The following PTPN2 variants were observed in gnomAD, a reference collection of about 807,000 sequenced individuals.
The protein encoded by PTPN2 is tyrosine-protein phosphatase non-receptor type 2.
PTPN2 carries 19 observed loss-of-function variants against 57.3 expected under a neutral mutation model. The ratio of observed to expected loss-of-function variants is 0.33; its 90% confidence interval spans 0.23 to 0.49. PTPN2 has a LOEUF of 0.49. Ranked by LOEUF, PTPN2 falls within the 20% of genes least tolerant of loss-of-function variation. The pLI is 0.99. For missense variants in PTPN2, 358 were observed against 501.1 expected (o/e 0.71, Z 2.73); for synonymous variants, 153 against 164.9 (o/e 0.93, Z 0.55).
At chr18:12,817,432 G>T in intron 5 of PTPN2, 67 bp from the exon 6 acceptor site, 1 of 1,196,018 alleles carries the variant, frequency 8.4e-7, no homozygotes, top group Non-Finnish European at 1.2e-6. Flanking sequence ...ACTTCAGAAA[G>T]ATCATGTGTT....
intron 1 of PTPN2, among the ~76,000 whole-genome samples, chr18:12,860,105 A>G (rs2043741361): frequency 6.6e-6 from 1 of 151,292 alleles, no homozygotes; most frequent in Non-Finnish European, 1.5e-5. Flanking sequence ...CTGGCCAACA[A>G]AGCGAAACCC....
At chr18:12,798,481 C>T (rs1426627922) in intron 8 of PTPN2, among the ~76,000 whole-genome samples, 1 of 152,110 alleles carries the variant, frequency 6.6e-6, no homozygotes, top group Non-Finnish European at 1.5e-5. Flanking sequence ...TCATTTAGCT[C>T]TCAATTGTTA....
At chr18:12,840,563 G>A in intron 2 of PTPN2, 1 of 862,662 alleles carries the variant, frequency 1.2e-6, no homozygotes, top group Non-Finnish European at 1.8e-6. Flanking sequence ...CTCGTCACTG[G>A]GTCACCTCTC....
chr18:12,817,076 C>G lies in PTPN2; in HGVS notation c.705+80G>C, dbSNP rs2079256939. The G allele has an allele frequency of 3.1e-6, 4 of 1,309,970 alleles. No homozygotes were observed. The African/African-American group carries it at 4.5e-5, about 15-fold the overall frequency. 81.1% of individuals were successfully genotyped at this position (1,309,970 alleles called of 1,614,324 possible). Reference sequence around the variant, plus strand: ...AAACCTCAGTTCTGGGATACAGCATCAGAGTTTATTCACTGCCAGTGGAAG... The same window carrying G: ...AAACCTCAGTTCTGGGATACAGCATGAGAGTTTATTCACTGCCAGTGGAAG... On this transcript the variant is annotated intron_variant, in intron 6 of 8. Transcript: ENST00000309660.
At chr18:12,831,574 T>C (rs2042672194) in intron 3 of PTPN2, among the ~76,000 whole-genome samples, 1 of 152,208 alleles carries the variant, frequency 6.6e-6, no homozygotes, top group Admixed American at 6.5e-5. Context: ...CTTCATCTTC[T>C]ACAGCCAAGA....
In PTPN2 at chr18:12,794,067, TAGAC is replaced by T; in HGVS notation, c.*207_*210del. On this transcript the variant is annotated 3_prime_UTR_variant, in exon 9 of 9. Coordinates refer to ENST00000309660, the MANE Select transcript of PTPN2 (RefSeq NM_002828.4). ...TTAACAAACATGAATGTCTTTATTTTAGACAGCCATTTACAGTTTGGGGTTCAGA... is the reference window on the plus strand; with the variant it reads ...TTAACAAACATGAATGTCTTTATTTTAGCCATTTACAGTTTGGGGTTCAGA... 1.4e-6 allele frequency: 2 copies of T among 1,415,860 alleles called. No individual in the cohort carries two copies. The highest frequency in any genetic ancestry group is 1.8e-6 in the Non-Finnish European group (2 of 1,091,430). The allele number at this position is 1,415,860 out of a possible 1,614,324, so 87.7% of individuals were successfully genotyped here.
chr18:12,840,871 C>T, intron 2 of PTPN2: 2 of 1,581,140 alleles, frequency 1.3e-6, no homozygotes, highest in Non-Finnish European at 1.7e-6. Context: ...AACCCCACTT[C>T]TGTGCCGATG....
chr18:12,843,546 C>T (rs1339445407), intron 2 of PTPN2, among the ~76,000 whole-genome samples: 4 of 152,070 alleles, frequency 2.6e-5, no homozygotes, highest in Non-Finnish European at 4.4e-5. Context: ...TGCTCTAGGG[C>T]AGACCAGCCC....
At position 12,814,776 on chromosome 18, in the gene PTPN2, G is replaced by A. The variant is rs189249612; in HGVS notation, c.706-421C>T. On this transcript the variant is annotated intron_variant, in intron 6 of 8. Transcript: ENST00000309660. ...GTCTGCACTACAGACACGATGTCTG[G>A]ATATACAGCACCCATCTAACAATGG... Among the ~76,000 whole-genome samples the A allele has an allele frequency of 5.3e-3, 799 of 152,006 alleles. 8 individuals carry two copies. Among genetic ancestry groups the A allele is most frequent in the Non-Finnish European group, 5.0e-3 (342 of 67,974 alleles).
chr18:12,867,683 T>G (rs538128678), intron 1 of PTPN2, among the ~76,000 whole-genome samples: 7 of 152,318 alleles, frequency 4.6e-5, no homozygotes, highest in Non-Finnish European at 7.3e-5. Context: ...CTTGGGGAAG[T>G]GCTCTCTCCT....
At chr18:12,806,641 C>T (rs1318178408) in intron 7 of PTPN2, among the ~76,000 whole-genome samples, 2 of 151,908 alleles carry the variant, frequency 1.3e-5, no homozygotes, top group Non-Finnish European at 2.9e-5. Flanking sequence ...AATAAATCTA[C>T]GTATTTACAG....
chr18:12,800,975 A>G (rs769942773), intron 8 of PTPN2, among the ~76,000 whole-genome samples: 1 of 152,252 alleles, frequency 6.6e-6, no homozygotes, highest in South Asian at 2.1e-4. Context: ...TTAAGCTTAC[A>G]TGTTTAAATG....
At chr18:12,802,528 C>A (rs559078083) in intron 7 of PTPN2, among the ~76,000 whole-genome samples, 3 of 152,096 alleles carry the variant, frequency 2.0e-5, no homozygotes, top group Non-Finnish European at 4.4e-5. Flanking sequence ...GCACACTGAA[C>A]ACATTCAATG....
chr18:12,803,005 T>C (rs2041488254), intron 7 of PTPN2, among the ~76,000 whole-genome samples: 1 of 152,182 alleles, frequency 6.6e-6, no homozygotes. Flanking sequence ...AAATCTCCAT[T>C]ATGAAGGTTA....
chr18:12,815,133 T>TAAATTAAA, intron 6 of PTPN2, among the ~76,000 whole-genome samples: 1 of 140,352 alleles, frequency 7.1e-6, no homozygotes, highest in South Asian at 2.4e-4. Flanking sequence ...AATAAATAAA[T>TAAATTAAA]AAAAATGTGG....
intron 2 of PTPN2, among the ~76,000 whole-genome samples, chr18:12,838,135 G>GTTTTCT (rs1408369296): frequency 1.3e-5 from 2 of 152,090 alleles, no homozygotes; most frequent in African/African-American, 4.8e-5. Context: ...CCTGGTTTTA[G>GTTTTCT]AAAACTACAT....
intron 5 of PTPN2, among the ~76,000 whole-genome samples, chr18:12,822,164 T>TGCAGAATATACACAG (rs11273652): frequency 0.024 from 3,714 of 151,906 alleles, 160 homozygotes; most frequent in African/African-American, 0.084. Context: ...ACTAAGGACG[T>TGCAGAATATACACAG]GCAGAGAAGA....
At position 12,793,489 on chromosome 18, in the gene PTPN2, T is replaced by A. The variant is rs1024034833; in HGVS notation, c.*789A>T. On this transcript the variant is annotated 3_prime_UTR_variant, in exon 9 of 9. Transcript: ENST00000309660. ...TCTTGACCAACTGTTTACCTGACTA[T>A]CCCAGTAAGGAGAATTTTCCTTCAA... 2 of 978,360 alleles carry A rather than the reference T, an allele frequency of 2.0e-6. No homozygotes were observed. Among genetic ancestry groups the A allele is most frequent in the Non-Finnish European group, 2.4e-6 (2 of 823,106 alleles). The allele number at this position is 978,360 out of a possible 1,614,324, so 60.6% of individuals were successfully genotyped here.
At chr18:12,797,605 G>A (rs968473244) in intron 8 of PTPN2, among the ~76,000 whole-genome samples, 4 of 152,148 alleles carry the variant, frequency 2.6e-5, no homozygotes, top group African/African-American at 9.7e-5. Context: ...CACAATTCCA[G>A]AGAATGACAA....
Sources: gnomAD v4.1 joint callset for allele counts (sites outside exome capture counted in the v4.1 genomes callset) on GRCh38, gnomAD v4.1.1 for gene constraint, MANE v1.5 for transcripts, NCBI Gene and HGNC (gene_info 2026-07-23, HGNC 2026-07-21) for gene names.